The following NHS variants were observed in gnomAD, a reference collection of about 807,000 sequenced individuals.
The protein encoded by NHS is NHS actin remodeling regulator, also known as actin remodeling regulator NHS.
In NHS, 5 loss-of-function variants were observed where a neutral mutation model predicts 72.5. The observed-to-expected ratio is 0.07, with a 90% CI of 0.04 to 0.14. The LOEUF is 0.14. NHS is among the 10% of genes least tolerant of loss of function. The pLI is 1.00. For missense variants in NHS, 1,072 were observed against 1,355.7 expected (o/e 0.79, Z 3.29); for synonymous variants, 464 against 547.7 (o/e 0.85, Z 2.13).
At chrX:17,433,851 A>T (rs936513651) in intron 1 of NHS, among the ~76,000 whole-genome samples, 24 of 112,222 alleles carry the variant, frequency 2.1e-4, no homozygotes, top group Non-Finnish European at 5.6e-5. Context: ...GTGCAGTTTT[A>T]AAAAATGTAT....
At chrX:17,676,289 T>G (rs1400154695) in intron 1 of NHS, among the ~76,000 whole-genome samples, 2 of 112,309 alleles carry the variant, frequency 1.8e-5, no homozygotes, top group Non-Finnish European at 3.8e-5. Flanking sequence ...GAGGCACCCA[T>G]GTTTATGATA....
intron 1 of NHS, among the ~76,000 whole-genome samples, chrX:17,452,520 T>G (rs1338451151): frequency 2.7e-5 from 3 of 109,808 alleles, no homozygotes; most frequent in African/African-American, 6.6e-5. Flanking sequence ...GTTTTTGTTT[T>G]TGTTTTTCCC....
At chrX:17,407,859 G>T in intron 1 of NHS, among the ~76,000 whole-genome samples, 1 of 111,535 alleles carries the variant, frequency 9.0e-6, no homozygotes, top group Non-Finnish European at 1.9e-5. Flanking sequence ...GCCAGACTGA[G>T]AGTGACCCAA....
intron 1 of NHS, among the ~76,000 whole-genome samples, chrX:17,533,435 C>T (rs1204639395): frequency 9.0e-6 from 1 of 110,818 alleles, no homozygotes; most frequent in Non-Finnish European, 1.9e-5. Flanking sequence ...TACAGGCATG[C>T]ACCACCACGC....
intron 1 of NHS, among the ~76,000 whole-genome samples, chrX:17,407,519 A>G: frequency 9.0e-6 from 1 of 111,702 alleles, no homozygotes; most frequent in South Asian, 3.8e-4. Context: ...ATAAGATTTT[A>G]GGAAAGGCTC....
chrX:17,574,472 C>T (rs952847407), intron 1 of NHS, among the ~76,000 whole-genome samples: 1 of 112,434 alleles, frequency 8.9e-6, no homozygotes, highest in African/African-American at 3.2e-5. Flanking sequence ...GTGCTAGCAG[C>T]GAGCAAGGCT....
At chrX:17,380,290 T>C (rs892608523) in intron 1 of NHS, among the ~76,000 whole-genome samples, 4 of 110,849 alleles carry the variant, frequency 3.6e-5, no homozygotes, top group Admixed American at 9.6e-5. Flanking sequence ...AGAGGTGCCA[T>C]TTCATTGGAG....
At chrX:17,522,208 T>C (rs1191646399) in intron 1 of NHS, among the ~76,000 whole-genome samples, 1 of 112,640 alleles carries the variant, frequency 8.9e-6, no homozygotes, top group Non-Finnish European at 1.9e-5. Flanking sequence ...CTCTGCTTTG[T>C]GCTGCCTCCG....
chrX:17,620,353 A>G (rs1053937414), intron 1 of NHS, among the ~76,000 whole-genome samples: 4 of 111,999 alleles, frequency 3.6e-5, no homozygotes, highest in Non-Finnish European at 7.5e-5. Flanking sequence ...GAGCAAAAAT[A>G]CAAGTAGAAG....
rs775089343 is a variant in NHS at position 17,526,195 on chromosome X, C to T, written c.565+149873C>T. The stretch of plus-strand genomic sequence containing the variant: ...AACAAACTACCCCAAAATTTAGTGG[C>T]GCTGAACAACAAACATATATCTTAG... On this transcript the variant is annotated intron_variant, in intron 1 of 8. Transcript: ENST00000676302. 1.4e-4 allele frequency among the ~76,000 whole-genome samples: 16 copies of T among 112,894 alleles called. 1 individual carries two copies. The South Asian group carries it at 4.0e-3, about 28-fold the overall frequency.
chrX:17,635,510 G>T, intron 1 of NHS: 1 of 1,167,872 alleles, frequency 8.6e-7, no homozygotes, highest in Non-Finnish European at 1.1e-6. Context: ...GGCATTCAGA[G>T]ACGTCTTTGC....
intron 1 of NHS, among the ~76,000 whole-genome samples, chrX:17,602,830 T>C (rs940910311): frequency 3.0e-5 from 3 of 101,462 alleles, no homozygotes; most frequent in African/African-American, 1.2e-4. Context: ...GGGGCACAAC[T>C]ACAATTTTTT....
chrX:17,499,311 C>T (rs2065027148), intron 1 of NHS, among the ~76,000 whole-genome samples: 1 of 111,297 alleles, frequency 9.0e-6, no homozygotes, highest in Non-Finnish European at 1.9e-5. Flanking sequence ...GTCTTCCTCC[C>T]TGCATCACTT....
intron 1 of NHS, among the ~76,000 whole-genome samples, chrX:17,478,716 T>C (rs2064932388): frequency 9.0e-6 from 1 of 111,280 alleles, no homozygotes; most frequent in Admixed American, 9.6e-5. Flanking sequence ...TTCCCATAGA[T>C]TAACTAGATT....
intron 1 of NHS, among the ~76,000 whole-genome samples, chrX:17,531,054 TGGCCCTTC>T (rs1418159534): frequency 8.9e-6 from 1 of 112,100 alleles, no homozygotes; most frequent in Admixed American, 9.4e-5. Context: ...CGAGGAACCC[TGGCCCTTC>T]TGGCAGCCTT....
At chrX:17,641,147 A>T (rs775503075) in intron 1 of NHS, among the ~76,000 whole-genome samples, 3 of 111,803 alleles carry the variant, frequency 2.7e-5, no homozygotes, top group Non-Finnish European at 5.6e-5. Flanking sequence ...TACACAAAAG[A>T]CATCATGGGT....
chrX:17,657,272 G>C (rs1259586319), intron 1 of NHS, among the ~76,000 whole-genome samples: 4 of 113,145 alleles, frequency 3.5e-5, no homozygotes, highest in East Asian at 2.8e-4. Context: ...GCCCCGCCAT[G>C]ATGGTGCACA....
rs750899222 is a variant in NHS at position 17,376,135 on chromosome X, G to T, written c.378G>T (p.Ala126=). ...AAVLLMLDLC[A]VSNAALARVL... ...TGCTGCTCATGCTGGACCTATGCGC[G>T]GTCAGCAACGCCGCTCTGGCCCGTG... is the stretch of plus-strand genomic sequence containing the variant. The change falls in exon 1 of 9, where the codon GCG becomes GCT. Residue 126 remains alanine (A), a synonymous_variant. Coordinates refer to ENST00000676302, the MANE Select transcript of NHS (RefSeq NM_001291867.2). 1 of 1,180,841 alleles carries T rather than the reference G, an allele frequency of 8.5e-7. No individual in the cohort carries two copies. Among genetic ancestry groups the T allele is most frequent in the East Asian group, 3.0e-5 (1 of 32,891 alleles).
intron 7 of NHS, 148 bp downstream of exon 7, chrX:17,728,476 A>T (rs746062601): frequency 3.1e-4 from 275 of 875,379 alleles, no homozygotes; most frequent in Non-Finnish European, 4.3e-4. Context: ...TTGAGATAAA[A>T]GCTTTTGTTA....
Sources: gnomAD v4.1 joint callset for allele counts (sites outside exome capture counted in the v4.1 genomes callset) on GRCh38, gnomAD v4.1.1 for gene constraint, MANE v1.5 for transcripts, NCBI Gene and HGNC (gene_info 2026-07-23, HGNC 2026-07-21) for gene names.